Variants in NXPH2 observed in about 807,000 individuals in gnomAD.
NXPH2 encodes the protein neurexophilin 2, also known as neurexophilin-2.
In NXPH2, 5 loss-of-function variants were observed where a neutral mutation model predicts 19.8. That is an observed-to-expected ratio of 0.25 (90% CI 0.13 to 0.53). The LOEUF (loss-of-function observed/expected upper bound fraction) is 0.53, where lower values mean the gene tolerates loss of function less well. Among genes scored for constraint, NXPH2 ranks in the 20% least tolerant of loss-of-function variants. NXPH2 has a pLI of 0.96. For missense variants in NXPH2, 289 were observed against 322.8 expected (o/e 0.90, Z 0.80); for synonymous variants, 154 against 127.4 (o/e 1.21, Z -1.41).
chr2:138,736,628 G>C (rs916687212), intron 1 of NXPH2, among the ~76,000 whole-genome samples: 8 of 152,182 alleles, frequency 5.3e-5, no homozygotes, highest in African/African-American at 1.9e-4. Context: ...CCATTGTCTT[G>C]GAGATTAACA....
At chr2:138,776,080 C>A (rs1682257888) in intron 1 of NXPH2, among the ~76,000 whole-genome samples, 1 of 152,062 alleles carries the variant, frequency 6.6e-6, no homozygotes, top group Admixed American at 6.5e-5. Flanking sequence ...CATTTATATT[C>A]ATCTTTGATT....
rs527974532 is a variant in NXPH2 at position 138,734,376 on chromosome 2, T to C, written c.51+45815A>G. ...CTGACTATCTGTCATATTCTGAACA[T>C]TGGGGATACAAAGATAAATAAAGCT... On this transcript the variant is annotated intron_variant, in intron 1 of 1. Transcript: ENST00000272641. 1.5e-4 allele frequency among the ~76,000 whole-genome samples: 23 copies of C among 152,288 alleles called. 1 individual carries two copies. In the South Asian group the frequency reaches 4.8e-3, roughly 32 times the overall value.
chr2:138,733,929 A>T (rs1681494476), intron 1 of NXPH2, among the ~76,000 whole-genome samples: 1 of 152,216 alleles, frequency 6.6e-6, no homozygotes, highest in Non-Finnish European at 1.5e-5. Flanking sequence ...TTCATTGTAA[A>T]TACTTGAAGA....
chr2:138,780,372 CG>C lies in NXPH2; in HGVS notation c.-132del. 1 of 269,776 alleles carries C rather than the reference CG, an allele frequency of 3.7e-6. No individual in the cohort carries two copies. The highest frequency in any genetic ancestry group is 6.3e-6 in the Non-Finnish European group (1 of 157,638). 16.7% of individuals were successfully genotyped at this position (269,776 alleles called of 1,614,324 possible). ...CTTCCCTCCCGGAATCCGAGCGCTG[CG>C]CCGTGCCGCGCAGCTCTGGCCGGGT... On this transcript the variant is annotated 5_prime_UTR_variant, in exon 1 of 2. Coordinates refer to ENST00000272641, the MANE Select transcript of NXPH2 (RefSeq NM_007226.3).
At chr2:138,677,901 G>A (rs1198607832) in intron 1 of NXPH2, among the ~76,000 whole-genome samples, 1 of 152,058 alleles carries the variant, frequency 6.6e-6, no homozygotes, top group Admixed American at 6.6e-5. Context: ...CACTGCACTC[G>A]GTATCCCCTA....
At chr2:138,762,313 T>A (rs541231359) in intron 1 of NXPH2, among the ~76,000 whole-genome samples, 1 of 151,000 alleles carries the variant, frequency 6.6e-6, no homozygotes, top group South Asian at 2.1e-4. Context: ...AGCTCTAGCA[T>A]CCCAAAATTC....
chr2:138,710,351 A>C (rs1681087147), intron 1 of NXPH2, among the ~76,000 whole-genome samples: 1 of 152,196 alleles, frequency 6.6e-6, no homozygotes, highest in Admixed American at 6.5e-5. Flanking sequence ...GGCAATTGTG[A>C]ATAATGCTGT....
intron 1 of NXPH2, among the ~76,000 whole-genome samples, chr2:138,757,532 C>T (rs1014139804): frequency 1.3e-5 from 2 of 152,038 alleles, no homozygotes; most frequent in Non-Finnish European, 1.5e-5. Context: ...GGTTTCTGTC[C>T]GTCCTTGTGG....
At chr2:138,681,568 T>C (rs1014196612) in intron 1 of NXPH2, among the ~76,000 whole-genome samples, 1 of 152,214 alleles carries the variant, frequency 6.6e-6, no homozygotes, top group South Asian at 2.1e-4. Flanking sequence ...TGTAGTCCTC[T>C]ACTTATCAAA....
At chr2:138,734,610 G>A (rs1165904769) in intron 1 of NXPH2, among the ~76,000 whole-genome samples, 2 of 152,168 alleles carry the variant, frequency 1.3e-5, no homozygotes, top group Admixed American at 6.5e-5. Flanking sequence ...CTGAAGATGG[G>A]AATGCCAGCT....
At chr2:138,687,847 G>A (rs927493885) in intron 1 of NXPH2, among the ~76,000 whole-genome samples, 5 of 152,158 alleles carry the variant, frequency 3.3e-5, no homozygotes, top group African/African-American at 9.7e-5. Flanking sequence ...TCAGATGGTT[G>A]TAGATGTGTG....
chr2:138,712,032 G>T (rs973905707), intron 1 of NXPH2, among the ~76,000 whole-genome samples: 16 of 152,160 alleles, frequency 1.1e-4, no homozygotes, highest in African/African-American at 3.6e-4. Context: ...CATTCACCAA[G>T]GCCAGTATCT....
chr2:138,704,075 C>A (rs1680972568), intron 1 of NXPH2, among the ~76,000 whole-genome samples: 1 of 152,142 alleles, frequency 6.6e-6, no homozygotes, highest in South Asian at 2.1e-4. Flanking sequence ...TAGGGCAAAA[C>A]CTAGATCAGA....
Position 138,698,396 on chromosome 2 carries a change from G to A in NXPH2, c.52-26731C>T, listed in dbSNP as rs114137481. On this transcript the variant is annotated intron_variant, in intron 1 of 1. Transcript: ENST00000272641. ...CCTAAAGTACATATAGGTTATGACT[G>A]GGCAGAAAGGTTTCTCATAATTTTC... 7.8e-3 allele frequency among the ~76,000 whole-genome samples: 1,189 copies of A among 152,222 alleles called. 19 individuals carry two copies. Among genetic ancestry groups the A allele is most frequent in the African/African-American group, 0.026 (1,088 of 41,536 alleles).
chr2:138,703,365 C>T (rs1680960854), intron 1 of NXPH2, among the ~76,000 whole-genome samples: 1 of 152,146 alleles, frequency 6.6e-6, no homozygotes, highest in African/African-American at 2.4e-5. Flanking sequence ...GTACCAATTT[C>T]AAGACAAAGC....
At chr2:138,709,768 C>T (rs1681068950) in intron 1 of NXPH2, among the ~76,000 whole-genome samples, 1 of 152,158 alleles carries the variant, frequency 6.6e-6, no homozygotes, top group African/African-American at 2.4e-5. Context: ...TCAGTAAGTA[C>T]TATTTTCAGA....
At chr2:138,725,915 G>T (rs1382920662) in intron 1 of NXPH2, among the ~76,000 whole-genome samples, 2 of 152,184 alleles carry the variant, frequency 1.3e-5, no homozygotes, top group African/African-American at 2.4e-5. Flanking sequence ...GTTTCAGGAT[G>T]TAAGAATTTG....
At chr2:138,755,542 C>T (rs1681893868) in intron 1 of NXPH2, among the ~76,000 whole-genome samples, 1 of 151,876 alleles carries the variant, frequency 6.6e-6, no homozygotes, top group Non-Finnish European at 1.5e-5. Flanking sequence ...TCTATATTTG[C>T]TTTTTTTAAC....
At position 138,671,144 on chromosome 2, in the gene NXPH2, A is replaced by G. The variant is rs1268888686; in HGVS notation, c.573T>C (p.Tyr191=). ...ESKSFNCRIE[Y]EKTDRAKKTA... ...TCTTTTTCGCCCGATCTGTTTTTTC[A>G]TACTCAATGCGACAATTGAAAGATT... Residue 191 remains tyrosine, a synonymous_variant, in exon 2 of 2, where the codon TAT becomes TAC. Transcript: ENST00000272641. 1.2e-6 allele frequency: 2 copies of G among 1,613,886 alleles called. No individual in the cohort carries two copies. The highest frequency in any genetic ancestry group is 1.7e-5 in the Admixed American group (1 of 60,026).
Sources: gnomAD v4.1 joint callset for allele counts (sites outside exome capture counted in the v4.1 genomes callset) on GRCh38, gnomAD v4.1.1 for gene constraint, MANE v1.5 for transcripts, NCBI Gene and HGNC (gene_info 2026-07-23, HGNC 2026-07-21) for gene names.